KCNN2: variants seen among roughly 807,000 people sequenced by gnomAD.
The protein encoded by KCNN2 is potassium calcium-activated channel subfamily N member 2.
In KCNN2, 24 loss-of-function variants were observed where a neutral mutation model predicts 55.5. The ratio of observed to expected loss-of-function variants is 0.43; its 90% CI spans 0.31 to 0.61. The LOEUF (loss-of-function observed/expected upper bound fraction) is 0.61, where lower values mean the gene tolerates loss of function less well. Among genes scored for constraint, KCNN2 ranks in the 20% least tolerant of loss-of-function variants. The pLI is 0.08. For missense variants in KCNN2, 754 were observed against 853.6 expected, an observed-to-expected ratio of 0.88 and a Z score of 1.45; for synonymous variants, 431 against 336.1, an observed-to-expected ratio of 1.28 and a Z score of -3.09.
At chr5:114,232,922 C>CTCGTTTTTTTTTTTT (rs200715120) in intron 2 of KCNN2, among the ~76,000 whole-genome samples, 769 of 43,766 alleles carry the variant, frequency 0.018, 47 homozygotes, top group East Asian at 0.087. Context: ...TATATTGTTT[C>CTCGTTTTTTTTTTTT]TTGTTTTTTT....
At chr5:114,076,883 C>T (rs773099531) in intron 1 of KCNN2, among the ~76,000 whole-genome samples, 32 of 152,020 alleles carry the variant, frequency 2.1e-4, no homozygotes, top group Admixed American at 1.6e-3. Context: ...TTAGTAGAGA[C>T]GGGGTTTCAC....
intron 2 of KCNN2, among the ~76,000 whole-genome samples, chr5:114,231,657 A>G (rs1038561674): frequency 1.3e-5 from 2 of 151,262 alleles, no homozygotes; most frequent in African/African-American, 4.9e-5. Flanking sequence ...AGATTTTTCT[A>G]ACCCAAGTGT....
intron 2 of KCNN2, among the ~76,000 whole-genome samples, chr5:114,243,244 C>A (rs559201065): frequency 6.6e-6 from 1 of 152,114 alleles, no homozygotes; most frequent in African/African-American, 2.4e-5. Flanking sequence ...GACATTTGAT[C>A]TCAACTAACC....
intron 1 of KCNN2, among the ~76,000 whole-genome samples, chr5:114,091,964 C>T (rs749275052): frequency 1.2e-4 from 19 of 152,166 alleles, no homozygotes; most frequent in Non-Finnish European, 2.2e-4. Context: ...CTGCCCCTGG[C>T]CCCTTCCAAA....
chr5:114,284,803 C>T (rs1312734343), intron 2 of KCNN2, among the ~76,000 whole-genome samples: 1 of 151,934 alleles, frequency 6.6e-6, no homozygotes, highest in African/African-American at 2.4e-5. Flanking sequence ...CAGGCGTCAG[C>T]CACCGCGCCT....
chr5:114,104,204 T>G (rs554988715), intron 1 of KCNN2, among the ~76,000 whole-genome samples: 1 of 152,200 alleles, frequency 6.6e-6, no homozygotes, highest in Admixed American at 6.5e-5. Flanking sequence ...TTTTCTGGTT[T>G]ATTTTCTAAG....
intron 1 of KCNN2, among the ~76,000 whole-genome samples, chr5:114,198,390 G>A (rs1018807264): frequency 1.3e-5 from 2 of 148,520 alleles, no homozygotes; most frequent in African/African-American, 4.9e-5. Context: ...ACATATATAT[G>A]TGTATGTGTA....
intron 1 of KCNN2, among the ~76,000 whole-genome samples, chr5:114,059,059 C>T (rs1750269522): frequency 6.6e-6 from 1 of 152,056 alleles, no homozygotes; most frequent in Non-Finnish European, 1.5e-5. Flanking sequence ...GCTCTGCAGG[C>T]CAGCAATAGC....
chr5:114,476,097 T>G, intron 5 of KCNN2, among the ~76,000 whole-genome samples: 1 of 152,094 alleles, frequency 6.6e-6, no homozygotes, highest in Middle Eastern at 3.4e-3. Flanking sequence ...GCAGGTTAGT[T>G]ACATATGTAT....
rs1041896121 is a variant in KCNN2 at position 114,166,485 on chromosome 5, A to T, written c.-270-54995A>T. On this transcript the variant is annotated intron_variant, in intron 1 of 10. Transcript: ENST00000512097. ...TGTTTTTCAAAAAACACATAGAACA[A>T]TATCCTACTAACTGGTAAAACAATG... is the stretch of plus-strand genomic sequence containing the variant. Among the ~76,000 whole-genome samples, 6 of 152,146 alleles carry T rather than the reference A, an allele frequency of 3.9e-5. No individual in the cohort carries two copies. The East Asian group carries it at 1.2e-3, about 29-fold the overall frequency.
chr5:114,173,065 A>T (rs1753069086), intron 1 of KCNN2, among the ~76,000 whole-genome samples: 1 of 151,908 alleles, frequency 6.6e-6, no homozygotes, highest in African/African-American at 2.4e-5. Flanking sequence ...TTGTAGTTTG[A>T]GGTCTTAGAT....
rs141348941 is a variant in KCNN2 at position 114,113,719 on chromosome 5, G to T, written c.-271+57219G>T. ...GTAACCTGAGGAAGGCAGATATATGGGAGAATCTAATGGAAGATCCAGGTT... is the reference window on the plus strand; with the variant it reads ...GTAACCTGAGGAAGGCAGATATATGTGAGAATCTAATGGAAGATCCAGGTT... On this transcript the variant is annotated intron_variant, in intron 1 of 10. Coordinates refer to the KCNN2 transcript ENST00000512097. 1.8e-3 allele frequency among the ~76,000 whole-genome samples: 278 copies of T among 152,168 alleles called. 1 individual carries two copies. The highest frequency in any genetic ancestry group is 6.4e-3 in the African/African-American group (267 of 41,542).
intron 1 of KCNN2, among the ~76,000 whole-genome samples, chr5:114,173,003 T>C (rs1051142186): frequency 2.0e-5 from 3 of 151,884 alleles, no homozygotes; most frequent in African/African-American, 7.2e-5. Context: ...CCAGAAATCT[T>C]TGCCCAGACC....
chr5:114,305,151 C>T (rs1341334097), intron 2 of KCNN2, among the ~76,000 whole-genome samples: 1 of 152,062 alleles, frequency 6.6e-6, no homozygotes, highest in East Asian at 1.9e-4. Flanking sequence ...GGAAAATATG[C>T]AAGGGAAAAA....
intron 1 of KCNN2, among the ~76,000 whole-genome samples, chr5:114,138,129 AAAAC>A (rs1377716644): frequency 2.6e-5 from 4 of 152,162 alleles, no homozygotes; most frequent in South Asian, 2.1e-4. Context: ...TTTATTGTAA[AAAAC>A]AAACAAACAA....
intron 1 of KCNN2, among the ~76,000 whole-genome samples, chr5:114,155,131 A>T (rs549882976): frequency 6.6e-6 from 1 of 152,192 alleles, no homozygotes; most frequent in Admixed American, 6.6e-5. Flanking sequence ...AAGTGAGAAC[A>T]TGTGGTATTT....
At chr5:114,475,933 T>A (rs1434250493) in intron 5 of KCNN2, among the ~76,000 whole-genome samples, 1 of 152,232 alleles carries the variant, frequency 6.6e-6, no homozygotes, top group Admixed American at 6.5e-5. Flanking sequence ...AATTGTCAAC[T>A]TATTGCCTGT....
upstream of KCNN2, chr5:114,361,218 CT>C (rs946273997): frequency 1.3e-5 from 2 of 152,278 alleles, no homozygotes; most frequent in African/African-American, 2.4e-5. Context: ...CCGGCCGGCT[CT>C]GTCGGCAGAC....
At chr5:114,103,155 C>A (rs1415758575) in intron 1 of KCNN2, among the ~76,000 whole-genome samples, 2 of 152,138 alleles carry the variant, frequency 1.3e-5, no homozygotes, top group African/African-American at 4.8e-5. Context: ...TCCTCTACAT[C>A]CTTTGTTAAT....
Sources: gnomAD v4.1 joint callset for allele counts (sites outside exome capture counted in the v4.1 genomes callset) on GRCh38, gnomAD v4.1.1 for gene constraint, MANE v1.5 for transcripts, NCBI Gene and HGNC (gene_info 2026-07-23, HGNC 2026-07-21) for gene names.